Variants in XIRP2 observed in about 807,000 individuals in gnomAD.
XIRP2 encodes xin actin binding repeat containing 2, also known as xin actin-binding repeat-containing protein 2.
In XIRP2, 236 loss-of-function variants were observed where a neutral mutation model predicts 277.0. The ratio of observed to expected loss-of-function variants is 0.85; its 90% confidence interval spans 0.77 to 0.95. The LOEUF is 0.95. Among genes scored for constraint, XIRP2 ranks in the 40% least tolerant of loss-of-function variants. XIRP2 has a pLI of 0.00. For synonymous variants in XIRP2, 1,490 were observed against 1,416.5 expected (o/e 1.05, Z -1.17); for missense variants, 4,640 against 4,157.5 (o/e 1.12, Z -3.19).
chr2:167,227,886 T>C (rs184972353), intron 5 of XIRP2, among the ~76,000 whole-genome samples: 3 of 152,308 alleles, frequency 2.0e-5, no homozygotes, highest in Non-Finnish European at 4.4e-5. Context: ...ACAATTTTTT[T>C]TGCAATCTTT....
intron 5 of XIRP2, among the ~76,000 whole-genome samples, chr2:167,222,861 C>CT (rs897074176): frequency 2.1e-4 from 32 of 151,586 alleles, no homozygotes; most frequent in African/African-American, 5.1e-4. Flanking sequence ...CTTTCTTCCT[C>CT]TTTTTTTTTC....
intron 3 of XIRP2, among the ~76,000 whole-genome samples, chr2:167,174,157 T>C (rs1692773561): frequency 6.6e-6 from 1 of 152,228 alleles, no homozygotes; most frequent in African/African-American, 2.4e-5. Context: ...GTCCCTCTTT[T>C]TCTATTGTTT....
intron 2 of XIRP2, among the ~76,000 whole-genome samples, chr2:166,945,855 G>GT (rs969017479): frequency 6.6e-6 from 1 of 151,560 alleles, no homozygotes; most frequent in Non-Finnish European, 1.5e-5. Flanking sequence ...TTGTTTGTTT[G>GT]TTTTTTTGGT....
chr2:167,246,924 C>T lies in XIRP2; in HGVS notation c.5532C>T (p.Thr1844=), dbSNP rs1250307261. ...TTATAAAAGGTGATTTGACATCAAC[C>T]CTAAATTCCCTCAGCCAGGCTGTAA... The part of the protein sequence containing the change: ...EEIIKGDLTS[T]LNSLSQAVNQ... The change falls in exon 9 of 11, where the codon ACC becomes ACT. Residue 1844 remains threonine (T), a synonymous_variant. Transcript: ENST00000409195. 2.5e-6 allele frequency: 4 copies of T among 1,612,966 alleles called. No homozygotes were observed. The African/African-American group carries it at 4.0e-5, about 16-fold the overall frequency.
chr2:167,245,857 C>T lies in XIRP2; in HGVS notation c.4465C>T (p.Gln1489Ter). 6.2e-7 allele frequency: 1 copy of T among 1,613,674 alleles called. No homozygotes were observed. The highest frequency in any genetic ancestry group is 1.1e-5 in the South Asian group (1 of 91,074). Residue 1489 changes from glutamine (Q) to a stop codon, truncating the protein, a stop_gained, in exon 9 of 11, where the codon CAG (glutamine) becomes TAG (stop). Coordinates refer to ENST00000409195, the MANE Select transcript of XIRP2 (RefSeq NM_152381.6). LOFTEE classifies it high-confidence loss of function. ...QEDVQKGDVKQAVWLFENRTF... is the reference protein window; with the variant it reads ...QEDVQKGDVK ...AGATGTGCAGAAAGGTGATGTTAAG[C>T]AGGCTGTGTGGCTTTTTGAAAATCG...
At chr2:166,939,508 GTC>G (rs1574097103) in intron 2 of XIRP2, among the ~76,000 whole-genome samples, 1 of 151,168 alleles carries the variant, frequency 6.6e-6, no homozygotes, top group East Asian at 2.0e-4. Flanking sequence ...GTGAAACCCC[GTC>G]TCTACTAAAA....
Position 167,004,647 on chromosome 2 carries a change from A to G in XIRP2, c.408+100757A>G, listed in dbSNP as rs574219263. Among the ~76,000 whole-genome samples, 132 of 152,030 alleles carry G rather than the reference A, an allele frequency of 8.7e-4. 1 individual carries two copies. The highest frequency in any genetic ancestry group is 2.9e-3 in the African/African-American group (120 of 41,524). ...CAAAGGCATTAGAGGACCGGAAGCT[A>G]TTTCAAGTACAAATGTATAGCAGAA... On this transcript the variant is annotated intron_variant, in intron 2 of 10. Transcript: ENST00000409195.
chr2:166,905,671 C>T (rs1684498830), intron 2 of XIRP2, among the ~76,000 whole-genome samples: 1 of 151,758 alleles, frequency 6.6e-6, no homozygotes, highest in Non-Finnish European at 1.5e-5. Context: ...AATTTCTTAT[C>T]CATAGAAGAC....
At chr2:167,201,128 AAG>A (rs530733596) in intron 3 of XIRP2, among the ~76,000 whole-genome samples, 16 of 147,134 alleles carry the variant, frequency 1.1e-4, no homozygotes, top group Middle Eastern at 3.4e-3. Context: ...TTTGTCAAGA[AAG>A]AGAGAGAGAG....
rs555589314 is a variant in XIRP2, at chr2:166,903,698, T to C, written c.216T>C (p.Ser72=). 5.8e-5 allele frequency: 94 copies of C among 1,613,414 alleles called. No individual in the cohort carries two copies. The East Asian group carries it at 1.7e-3, about 29-fold the overall frequency. The change falls in exon 2 of 11, where the codon AGT becomes AGC. Residue 72 remains serine (S), a synonymous_variant. Transcript: ENST00000409195. The part of the protein sequence containing the change: ...LPYSTGEEMW[S]SKPEEKDSVD... ...ACAGTACAGGGGAAGAGATGTGGAGTTCGAAGCCGGAAGAGAAGGATTCTG... is the reference window on the plus strand; with the variant it reads ...ACAGTACAGGGGAAGAGATGTGGAGCTCGAAGCCGGAAGAGAAGGATTCTG...
intron 3 of XIRP2, among the ~76,000 whole-genome samples, chr2:167,148,516 G>A (rs577878431): frequency 6.8e-6 from 1 of 146,120 alleles, no homozygotes; most frequent in African/African-American, 2.5e-5. Context: ...AGGGAGGGAG[G>A]GAAAGAGGTA....
intron 4 of XIRP2, among the ~76,000 whole-genome samples, chr2:167,215,490 A>AC (rs1397007861): frequency 6.6e-6 from 1 of 152,134 alleles, no homozygotes; most frequent in African/African-American, 2.4e-5. Flanking sequence ...AGTATGGGAA[A>AC]CCCAAACCCC....
rs1185346211 is a variant in XIRP2 at position 167,049,509 on chromosome 2, G to GA, written c.409-86389dup. Among the ~76,000 whole-genome samples, 839 of 135,518 alleles carry GA rather than the reference G, an allele frequency of 6.2e-3. 4 individuals are homozygous for GA. The highest frequency in any genetic ancestry group is 0.018 in the African/African-American group (673 of 37,446). The allele number at this position is 135,518 out of a possible 152,430, so 88.9% of individuals were successfully genotyped here. On this transcript the variant is annotated intron_variant, in intron 2 of 10. Coordinates refer to ENST00000409195, the MANE Select transcript of XIRP2 (RefSeq NM_152381.6). ...TTACAAATAATGGAGACCTTCTCCAGAAAAAAAAAAACATAATTAAGAAAA... is the reference window on the plus strand; with the variant it reads ...TTACAAATAATGGAGACCTTCTCCAGAAAAAAAAAAAACATAATTAAGAAAA...
At chr2:166,925,555 TTG>T (rs903147436) in intron 2 of XIRP2, among the ~76,000 whole-genome samples, 31 of 144,608 alleles carry the variant, frequency 2.1e-4, no homozygotes, top group African/African-American at 4.8e-4. Context: ...CTGAAAATAT[TTG>T]TGTGTGTGTG....
intron 2 of XIRP2, among the ~76,000 whole-genome samples, chr2:167,075,216 A>AGGAAAAAGCAAAAAGGCAG (rs1473527039): frequency 1.3e-5 from 2 of 152,184 alleles, no homozygotes; most frequent in Non-Finnish European, 2.9e-5. Context: ...TTCAAAAAGA[A>AGGAAAAAGCAAAAAGGCAG]GGAAAAAGCA....
At chr2:167,155,131 G>A (rs1020137899) in intron 3 of XIRP2, among the ~76,000 whole-genome samples, 25 of 150,252 alleles carry the variant, frequency 1.7e-4, no homozygotes, top group Admixed American at 8.6e-4. Flanking sequence ...AAGACTCCAG[G>A]ACCAGATGGA....
In XIRP2 at chr2:167,245,501, T is replaced by C; in HGVS notation, c.4109T>C (p.Val1370Ala). ...ATTAATAAATCAGAAACTGTGTATG[T>C]TATTAAATCTGTCACACAAGAAGAC... ...DSINKSETVY[V>A]IKSVTQEDIQ... The change falls in exon 9 of 11, where the codon GTT becomes GCT. Residue 1370 changes from valine to alanine, a missense_variant. Transcript: ENST00000409195. 6.2e-7 allele frequency: 1 copy of C among 1,613,632 alleles called. No individual in the cohort carries two copies. Among genetic ancestry groups the C allele is most frequent in the Non-Finnish European group, 8.5e-7 (1 of 1,179,754 alleles).
chr2:167,087,802 G>A (rs916215129), intron 2 of XIRP2, among the ~76,000 whole-genome samples: 22 of 151,674 alleles, frequency 1.5e-4, no homozygotes, highest in South Asian at 8.3e-4. Context: ...GCTTCGGCTC[G>A]CGCACGGTGC....
intron 2 of XIRP2, among the ~76,000 whole-genome samples, chr2:167,082,930 A>AG (rs1375738056): frequency 6.6e-6 from 1 of 152,184 alleles, no homozygotes; most frequent in African/African-American, 2.4e-5. Context: ...TTTGCTGTGC[A>AG]GAAGCTCTTT....
Sources: allele counts gnomAD v4.1 joint callset (sites outside exome capture counted in the v4.1 genomes callset), GRCh38; gene constraint gnomAD v4.1.1; transcripts MANE v1.5; gene names NCBI Gene and HGNC (gene_info 2026-07-23, HGNC 2026-07-21).